MRPS6: variants seen among roughly 807,000 people sequenced by gnomAD.
The protein encoded by MRPS6 is mitochondrial ribosomal protein S6.
In MRPS6, 6 loss-of-function variants were observed where a neutral mutation model predicts 13.1. That is an observed-to-expected ratio of 0.46 (90% CI 0.25 to 0.91). MRPS6 has a LOEUF of 0.91. MRPS6 is among the 40% of genes least tolerant of loss of function. MRPS6 has a pLI of 0.18. For synonymous variants in MRPS6, 61 were observed against 56.5 expected (o/e 1.08, Z -0.36); for missense variants, 164 against 155.6 (o/e 1.05, Z -0.29).
At chr21:34,108,741 A>G (rs1979582515) in intron 1 of MRPS6, among the ~76,000 whole-genome samples, 1 of 152,222 alleles carries the variant, frequency 6.6e-6, no homozygotes, top group Admixed American at 6.5e-5. Flanking sequence ...TGAATGTAGA[A>G]TTCTGGGTTA....
intron 2 of MRPS6, among the ~76,000 whole-genome samples, chr21:34,128,641 G>C (rs1238116308): frequency 6.6e-6 from 1 of 152,210 alleles, no homozygotes; most frequent in Non-Finnish European, 1.5e-5. Flanking sequence ...CTGTAAGTCT[G>C]TTGTTTATAA....
chr21:34,086,246 G>C (rs920764615), intron 1 of MRPS6, among the ~76,000 whole-genome samples: 48 of 152,226 alleles, frequency 3.2e-4, no homozygotes, highest in African/African-American at 1.1e-3. Flanking sequence ...GCACTTAAGT[G>C]GTCTTGGGAG....
chr21:34,076,444 A>C (rs889870199), intron 1 of MRPS6, among the ~76,000 whole-genome samples: 3 of 152,222 alleles, frequency 2.0e-5, no homozygotes, highest in Non-Finnish European at 4.4e-5. Flanking sequence ...AGTCAGTCAT[A>C]TTGAACTATA....
chr21:34,073,853 T>G, intron 1 of MRPS6, 108 bp downstream of exon 1: 4 of 591,046 alleles, frequency 6.8e-6, no homozygotes, highest in Non-Finnish European at 9.1e-6. Flanking sequence ...CTTCCTGCAC[T>G]CCTCGGAGGA....
chr21:34,082,857 C>A (rs1989490726), intron 1 of MRPS6, among the ~76,000 whole-genome samples: 2 of 152,142 alleles, frequency 1.3e-5, no homozygotes, highest in Admixed American at 1.3e-4. Flanking sequence ...TTTTGCTTCC[C>A]CTTGCAATCA....
intron 2 of MRPS6, chr21:34,135,872 GT>G: frequency 3.7e-6 from 2 of 546,086 alleles, no homozygotes; most frequent in Non-Finnish European, 3.5e-6. Flanking sequence ...TTGCAGAAGC[GT>G]TTGGCAGCAT....
chr21:34,086,826 A>AG (rs1166449122), intron 1 of MRPS6, among the ~76,000 whole-genome samples: 2 of 284 alleles, frequency 7.0e-3, no homozygotes, highest in East Asian at 0.2. Context: ...TGTAATGGAG[A>AG]GGTGGAAGAG....
intron 1 of MRPS6, among the ~76,000 whole-genome samples, chr21:34,078,119 G>A (rs981230672): frequency 1.6e-4 from 24 of 152,088 alleles, no homozygotes; most frequent in Admixed American, 7.2e-4. Flanking sequence ...CAGTTCAAAC[G>A]GAAACATCTA....
chr21:34,106,923 T>A (rs528736071), intron 1 of MRPS6, among the ~76,000 whole-genome samples: 187 of 152,240 alleles, frequency 1.2e-3, no homozygotes, highest in Middle Eastern at 0.01. Context: ...TTTCACGGTA[T>A]TGACTTTTTT....
At chr21:34,138,060 G>A (rs1980769632) in intron 2 of MRPS6, among the ~76,000 whole-genome samples, 2 of 151,424 alleles carry the variant, frequency 1.3e-5, no homozygotes, top group South Asian at 4.2e-4. Flanking sequence ...CTGATTTCTT[G>A]TAATGTCTTT....
At chr21:34,098,033 A>G (rs1024345955) in intron 1 of MRPS6, 2 of 999,066 alleles carry the variant, frequency 2.0e-6, no homozygotes, top group African/African-American at 3.5e-5. Flanking sequence ...AGTGAACCAT[A>G]CTGAAATGAC....
chr21:34,136,723 A>T (rs1980717581), intron 2 of MRPS6, among the ~76,000 whole-genome samples: 1 of 152,140 alleles, frequency 6.6e-6, no homozygotes, highest in Non-Finnish European at 1.5e-5. Context: ...TAATTCGCAA[A>T]TCTTAGTGGC....
At chr21:34,105,012 C>G in intron 1 of MRPS6, 1 of 1,000,120 alleles carries the variant, frequency 1.0e-6, no homozygotes, top group Non-Finnish European at 1.2e-6. Context: ...TGTGAGATCT[C>G]TAACTTTTGA....
chr21:34,120,771 T>G (rs1044802700), intron 1 of MRPS6, among the ~76,000 whole-genome samples: 2 of 152,214 alleles, frequency 1.3e-5, no homozygotes, highest in Non-Finnish European at 2.9e-5. Context: ...ATTGTAGGTA[T>G]TTTTGAAATA....
In MRPS6 at chr21:34,103,173, T is replaced by C. The variant is rs138061848; in HGVS notation, c.46-22168T>C. 125 of 1,000,110 alleles carry C rather than the reference T, an allele frequency of 1.2e-4. No individual in the cohort carries two copies. In the African/African-American group the frequency reaches 1.8e-3, roughly 14 times the overall value. 62.0% of individuals were successfully genotyped at this position (1,000,110 alleles called of 1,614,324 possible). A position where few individuals can be genotyped will look rare whatever the true frequency, so the allele number is the denominator to read the frequency against. On this transcript the variant is annotated intron_variant, in intron 1 of 2. Coordinates refer to ENST00000399312, the MANE Select transcript of MRPS6 (RefSeq NM_032476.4). ...CCAGTATATATGGTATTCCATAATATAACCAGCTTTTGAAATTTATGTGTT... is the reference window on the plus strand; with the variant it reads ...CCAGTATATATGGTATTCCATAATACAACCAGCTTTTGAAATTTATGTGTT...
chr21:34,104,081 A>T, intron 1 of MRPS6: 1 of 999,704 alleles, frequency 1.0e-6, no homozygotes, highest in South Asian at 4.7e-5. Context: ...CTTGTCTTTG[A>T]TTTTTTTTGT....
At chr21:34,135,181 G>T (rs756319268) in intron 2 of MRPS6, among the ~76,000 whole-genome samples, 28 of 152,022 alleles carry the variant, frequency 1.8e-4, no homozygotes, top group African/African-American at 6.3e-4. Context: ...CCAGTTTGGG[G>T]TTGTTATAGG....
chr21:34,108,710 G>A (rs1352300969), intron 1 of MRPS6, among the ~76,000 whole-genome samples: 2 of 152,076 alleles, frequency 1.3e-5, no homozygotes, highest in Admixed American at 6.6e-5. Flanking sequence ...ATTCTACCTC[G>A]TATTTGTTTG....
At chr21:34,105,967 T>C (rs775767821) in intron 1 of MRPS6, 2 of 993,656 alleles carry the variant, frequency 2.0e-6, no homozygotes, top group Admixed American at 1.2e-4. Flanking sequence ...TGTATGATCT[T>C]GGTTTCATGT....
Sources: allele counts gnomAD v4.1 joint callset (sites outside exome capture counted in the v4.1 genomes callset), GRCh38; gene constraint gnomAD v4.1.1; transcripts MANE v1.5; gene names NCBI Gene and HGNC (gene_info 2026-07-23, HGNC 2026-07-21).